ACTL8: variants seen among roughly 807,000 people sequenced by gnomAD.
ACTL8 encodes the protein actin like 8, also known as actin-like protein 8.
In ACTL8, 3 loss-of-function variants were observed where a neutral mutation model predicts 9.3. The observed-to-expected ratio is 0.32, with a 90% CI of 0.15 to 0.83. The LOEUF is 0.83. Among genes scored for constraint, ACTL8 ranks in the 40% least tolerant of loss-of-function variants. The pLI, the probability that ACTL8 is intolerant of heterozygous loss-of-function variation, is 0.57. For synonymous variants in ACTL8, 224 were observed against 205.9 expected (o/e 1.09, Z -0.75); for missense variants, 381 against 492.2 (o/e 0.77, Z 2.14).
intron 2 of ACTL8, 92 bp from the exon 3 acceptor site, chr1:17,825,674 GT>G: frequency 6.7e-7 from 1 of 1,491,232 alleles, no homozygotes; most frequent in Non-Finnish European, 9.0e-7. Context: ...CAGCCCGAGA[GT>G]CCCCCCGAGG....
At chr1:17,791,574 C>T (rs796976030) in intron 1 of ACTL8, among the ~76,000 whole-genome samples, 6 of 152,298 alleles carry the variant, frequency 3.9e-5, no homozygotes, top group South Asian at 2.1e-4. Context: ...TCGGGCACAT[C>T]GGGGTGCAGA....
chr1:17,756,293 T>C lies in ACTL8; in HGVS notation c.-25+789T>C, dbSNP rs189164360. Among the ~76,000 whole-genome samples the C allele has an allele frequency of 8.6e-4, 131 of 152,002 alleles. 1 individual carries two copies. The highest frequency in any genetic ancestry group is 3.1e-3 in the African/African-American group (127 of 41,464). Reference sequence around the variant, plus strand: ...GTGGGGGACTTATCTTTGGGGAACCTATGAAAGCCCCCAGGGGCTCTTTCT... The same window carrying C: ...GTGGGGGACTTATCTTTGGGGAACCCATGAAAGCCCCCAGGGGCTCTTTCT... On this transcript the variant is annotated intron_variant, in intron 1 of 2. Transcript: ENST00000375406.
intron 1 of ACTL8, among the ~76,000 whole-genome samples, chr1:17,778,588 C>T (rs1362962069): frequency 1.3e-5 from 2 of 152,118 alleles, no homozygotes; most frequent in African/African-American, 4.8e-5. Context: ...GAATAGTATT[C>T]TCGGGGATGA....
Position 17,785,123 on chromosome 1 carries a change from A to G in ACTL8, c.-25+29619A>G, listed in dbSNP as rs550058531. Among the ~76,000 whole-genome samples, 3 of 152,298 alleles carry G rather than the reference A, an allele frequency of 2.0e-5. No homozygotes were observed. In the South Asian group the frequency reaches 6.2e-4, roughly 32 times the overall value. On this transcript the variant is annotated intron_variant, in intron 1 of 2. Coordinates refer to ENST00000375406, the MANE Select transcript of ACTL8 (RefSeq NM_030812.3). The stretch of plus-strand genomic sequence containing the variant: ...CCTCCCACTGGGTCCCTCCCACAAC[A>G]TGTGGGAATTCAAGATGAGATTTGG...
intron 1 of ACTL8, among the ~76,000 whole-genome samples, chr1:17,791,322 TGC>T: frequency 6.6e-6 from 1 of 152,292 alleles, no homozygotes; most frequent in Non-Finnish European, 1.5e-5. Context: ...GATGGCTCGC[TGC>T]TGCCATCACC....
At chr1:17,807,794 T>C (rs755035524) in intron 1 of ACTL8, among the ~76,000 whole-genome samples, 4 of 147,640 alleles carry the variant, frequency 2.7e-5, no homozygotes, top group Non-Finnish European at 6.0e-5. Context: ...AGTTGAATAA[T>C]GAGAACACAT....
intron 1 of ACTL8, among the ~76,000 whole-genome samples, chr1:17,798,534 G>T (rs2066295112): frequency 6.6e-6 from 1 of 152,172 alleles, no homozygotes; most frequent in Non-Finnish European, 1.5e-5. Flanking sequence ...CATTCAAAAG[G>T]ACCAGAGAGT....
At chr1:17,784,649 G>A (rs1177421035) in intron 1 of ACTL8, among the ~76,000 whole-genome samples, 3 of 152,310 alleles carry the variant, frequency 2.0e-5, no homozygotes, top group Admixed American at 2.0e-4. Flanking sequence ...TGGGTACCAT[G>A]AGGTGTTCTT....
In ACTL8 at chr1:17,767,121, G is replaced by A. The variant is rs58119921; in HGVS notation, c.-25+11617G>A. 0.088 allele frequency among the ~76,000 whole-genome samples: 13,445 copies of A among 152,116 alleles called. 1,126 individuals carry two copies. Among genetic ancestry groups the A allele is most frequent in the East Asian group, 0.27 (1,399 of 5,136 alleles). On this transcript the variant is annotated intron_variant, in intron 1 of 2. Coordinates refer to ENST00000375406, the MANE Select transcript of ACTL8 (RefSeq NM_030812.3). This position sits in a 1 kb window ranked among gnomAD's most constrained non-coding sequence, Gnocchi z 4.7. ...AGGGACGGGGGAAGCAGACACCTGA[G>A]GGGGAAGCGAGACGGGTGAGCATCA...
At chr1:17,820,993 A>G (rs2053656471) in intron 1 of ACTL8, among the ~76,000 whole-genome samples, 1 of 152,198 alleles carries the variant, frequency 6.6e-6, no homozygotes, top group Non-Finnish European at 1.5e-5. Flanking sequence ...TCTAATAGGT[A>G]GGTGTACAGA....
At chr1:17,805,377 C>CTTT (rs56870755) in intron 1 of ACTL8, among the ~76,000 whole-genome samples, 12 of 100,180 alleles carry the variant, frequency 1.2e-4, no homozygotes, top group African/African-American at 5.4e-4. Context: ...TTTTCTTTTT[C>CTTT]TTTTTTTTTT....
intron 1 of ACTL8, among the ~76,000 whole-genome samples, chr1:17,757,165 G>A (rs573562575): frequency 2.6e-5 from 4 of 152,098 alleles, no homozygotes; most frequent in Non-Finnish European, 4.4e-5. Context: ...TGAAAAATGT[G>A]TAGATAATGA....
intron 1 of ACTL8, among the ~76,000 whole-genome samples, chr1:17,777,394 C>T (rs2066125583): frequency 6.6e-6 from 1 of 152,164 alleles, no homozygotes; most frequent in Non-Finnish European, 1.5e-5. Flanking sequence ...CCCTCAGCCC[C>T]AGGCTCATGC....
intron 1 of ACTL8, among the ~76,000 whole-genome samples, chr1:17,795,352 C>T (rs1019751115): frequency 4.6e-5 from 7 of 152,214 alleles, no homozygotes; most frequent in Admixed American, 4.6e-4. Context: ...GAAAGGAGTC[C>T]TCATTCTGTG....
At chr1:17,771,785 A>AC (rs1184387441) in intron 1 of ACTL8, among the ~76,000 whole-genome samples, 1 of 151,940 alleles carries the variant, frequency 6.6e-6, no homozygotes, top group Non-Finnish European at 1.5e-5. Flanking sequence ...GCTGCAGTGG[A>AC]GGGGGCGTGC....
In ACTL8 at chr1:17,796,306, CTGTGTGTGTGTG is replaced by C. The variant is rs3063168; in HGVS notation, c.-24-26659_-24-26648del. Among the ~76,000 whole-genome samples, 307 of 148,032 alleles carry C rather than the reference CTGTGTGTGTGTG, an allele frequency of 2.1e-3. 2 individuals carry two copies. Among genetic ancestry groups the C allele is most frequent in the South Asian group, 0.012 (55 of 4,544 alleles). On this transcript the variant is annotated intron_variant, in intron 1 of 2. Coordinates refer to ENST00000375406, the MANE Select transcript of ACTL8 (RefSeq NM_030812.3). ...AGGATGGCTCTGTGCATGCGTGCACCTGTGTGTGTGTGTGTGTGTGTGTGTGTGTGTAGGTAA... is the reference window on the plus strand; with the variant it reads ...AGGATGGCTCTGTGCATGCGTGCACCTGTGTGTGTGTGTGTGTGTAGGTAA...
intron 1 of ACTL8, among the ~76,000 whole-genome samples, chr1:17,782,083 A>G (rs1231917358): frequency 2.0e-5 from 3 of 152,120 alleles, no homozygotes; most frequent in Admixed American, 1.3e-4. Context: ...AAGAATGTAC[A>G]TAATGAACAC....
chr1:17,756,665 A>T (rs543648121), intron 1 of ACTL8, among the ~76,000 whole-genome samples: 6 of 152,226 alleles, frequency 3.9e-5, no homozygotes, highest in Non-Finnish European at 8.8e-5. Flanking sequence ...GTATCAGGAG[A>T]TGGAACCACA....
At chr1:17,813,047 A>G (rs1570040778) in intron 1 of ACTL8, among the ~76,000 whole-genome samples, 2 of 152,158 alleles carry the variant, frequency 1.3e-5, no homozygotes, top group East Asian at 3.9e-4. Flanking sequence ...TTTTTTGTAG[A>G]TTCTTTGGCA....
Sources: allele counts gnomAD v4.1 joint callset (sites outside exome capture counted in the v4.1 genomes callset), GRCh38; gene constraint gnomAD v4.1.1; non-coding constraint Gnocchi (gnomAD v3.1); transcripts MANE v1.5; gene names NCBI Gene and HGNC (gene_info 2026-07-23, HGNC 2026-07-21).